Variants in MEGF8 observed in about 807,000 individuals in gnomAD.
MEGF8 encodes multiple EGF like domains 8.
Under a neutral mutation model 302.9 loss-of-function variants are expected in MEGF8, and 156 were observed. That is an observed-to-expected ratio of 0.52 (90% CI 0.45 to 0.59). MEGF8 has a LOEUF of 0.59. Among genes scored for constraint, MEGF8 ranks in the 20% least tolerant of loss-of-function variants. The pLI, the probability that MEGF8 is intolerant of heterozygous loss-of-function variation, is 0.00. For synonymous variants in MEGF8, 1,621 were observed against 1,660.5 expected (o/e 0.98, Z 0.58); for missense variants, 3,345 against 3,964.5 (o/e 0.84, Z 4.20).
At chr19:42,338,978 C>T (rs1256484902) in intron 8 of MEGF8, among the ~76,000 whole-genome samples, 4 of 150,848 alleles carry the variant, frequency 2.7e-5, no homozygotes, top group African/African-American at 4.9e-5. Flanking sequence ...GGATTACAGG[C>T]GCCTACCACC....
Position 42,357,266 on chromosome 19 carries a change from C to A in MEGF8, c.4831-138C>A. On this transcript the variant is annotated intron_variant, in intron 27 of 41. Transcript: ENST00000251268. The surrounding 1 kb of genome is among the most constrained non-coding windows in gnomAD (Gnocchi z 5.2). The stretch of plus-strand genomic sequence containing the variant: ...CACTGTGCCTCTGCCAGGACCCAGG[C>A]TGGTCCGACTGGCCCTGGGGGGGTC... 1 of 1,077,060 alleles carries A rather than the reference C, an allele frequency of 9.3e-7. No individual in the cohort carries two copies. Among genetic ancestry groups the A allele is most frequent in the Non-Finnish European group, 1.3e-6 (1 of 754,696 alleles). 66.7% of individuals were successfully genotyped at this position (1,077,060 alleles called of 1,614,324 possible).
chr19:42,329,354 T>C (rs745915112), intron 1 of MEGF8, among the ~76,000 whole-genome samples: 1 of 152,088 alleles, frequency 6.6e-6, no homozygotes, highest in Non-Finnish European at 1.5e-5. Context: ...GATGAGTTCC[T>C]AACTAGGGCA....
chr19:42,328,590 G>GTGT (rs57025235), intron 1 of MEGF8, among the ~76,000 whole-genome samples: 6 of 151,788 alleles, frequency 4.0e-5, no homozygotes, highest in South Asian at 2.1e-4. Context: ...GTGTGTGTGT[G>GTGT]GCGAAGGGGT....
At chr19:42,367,927 A>G (rs2039630916) in intron 35 of MEGF8, among the ~76,000 whole-genome samples, 1 of 151,632 alleles carries the variant, frequency 6.6e-6, no homozygotes, top group South Asian at 2.1e-4. Context: ...CTTCCAGTTT[A>G]TTTTCTTTTT....
intron 23 of MEGF8, among the ~76,000 whole-genome samples, chr19:42,355,071 C>T (rs1385926274): frequency 6.6e-6 from 1 of 152,162 alleles, no homozygotes; most frequent in African/African-American, 2.4e-5. Flanking sequence ...ATTCTCCTGC[C>T]TCAGCCTCCC....
At chr19:42,364,759 T>A (rs1277189760) in intron 35 of MEGF8, among the ~76,000 whole-genome samples, 1 of 152,224 alleles carries the variant, frequency 6.6e-6, no homozygotes, top group Non-Finnish European at 1.5e-5. Flanking sequence ...TGACTTTGGA[T>A]GAGTGACTTC....
chr19:42,368,363 T>G lies in MEGF8; in HGVS notation c.6274-92T>G. 8.9e-7 allele frequency: 1 copy of G among 1,121,364 alleles called. No individual in the cohort carries two copies. The highest frequency in any genetic ancestry group is 1.3e-6 in the Non-Finnish European group (1 of 796,078). The allele number at this position is 1,121,364 out of a possible 1,614,324, so 69.5% of individuals were successfully genotyped here. On this transcript the variant is annotated intron_variant, in intron 35 of 41. Coordinates refer to ENST00000251268, the MANE Select transcript of MEGF8 (RefSeq NM_001271938.2). This position sits in a 1 kb window ranked among gnomAD's most constrained non-coding sequence, Gnocchi z 4.9. ...GGGAGGGGTGAGACCTCAAAGAGGG[T>G]GTGGTCTGGGAAGATACCCAGAATG...
At position 42,358,085 on chromosome 19, in the gene MEGF8, C is replaced by G. The variant is rs1455158346; in HGVS notation, c.5012-59C>G. On this transcript the variant is annotated intron_variant, in intron 28 of 41. Coordinates refer to ENST00000251268, the MANE Select transcript of MEGF8 (RefSeq NM_001271938.2). This position sits in a 1 kb window ranked among gnomAD's most constrained non-coding sequence, Gnocchi z 4.4. ...GTCACCGAACAGGGGACCGGGAGGT[C>G]GGCGGGGTCAGTGCTGTTGTCAGCC... 7.0e-7 allele frequency: 1 copy of G among 1,419,662 alleles called. No individual in the cohort carries two copies. The highest frequency in any genetic ancestry group is 9.2e-7 in the Non-Finnish European group (1 of 1,083,970). 87.9% of individuals were successfully genotyped at this position (1,419,662 alleles called of 1,614,324 possible).
rs939847128 is a variant in MEGF8, at chr19:42,357,273, G to A, written c.4831-131G>A. 12 of 1,163,750 alleles carry A rather than the reference G, an allele frequency of 1.0e-5. No individual in the cohort carries two copies. The highest frequency in any genetic ancestry group is 7.7e-5 in the African/African-American group (5 of 65,076). 72.1% of individuals were successfully genotyped at this position (1,163,750 alleles called of 1,614,324 possible). A position where few individuals can be genotyped will look rare whatever the true frequency, so the allele number is the denominator to read the frequency against. On this transcript the variant is annotated intron_variant, in intron 27 of 41. Coordinates refer to ENST00000251268, the MANE Select transcript of MEGF8 (RefSeq NM_001271938.2). This position sits in a 1 kb window ranked among gnomAD's most constrained non-coding sequence, Gnocchi z 5.2. ...CCTCTGCCAGGACCCAGGCTGGTCC[G>A]ACTGGCCCTGGGGGGGTCATTCCCT...
At position 42,344,598 on chromosome 19, in the gene MEGF8, A is replaced by C. The variant is rs139484187; in HGVS notation, c.1933+13A>C. The C allele has an allele frequency of 3.2e-6, 5 of 1,585,454 alleles. No homozygotes were observed. Among genetic ancestry groups the C allele is most frequent in the Non-Finnish European group, 4.3e-6 (5 of 1,165,048 alleles). On this transcript the variant is annotated intron_variant, in intron 11 of 41. Coordinates refer to ENST00000251268, the MANE Select transcript of MEGF8 (RefSeq NM_001271938.2). The surrounding 1 kb of genome is among the most constrained non-coding windows in gnomAD (Gnocchi z 4.5). ...CTCCCTAGGCCTGGTGAGTGTCCGCAGCAGTGGGCCGGCAGGAGGGGGCCA... is the reference window on the plus strand; with the variant it reads ...CTCCCTAGGCCTGGTGAGTGTCCGCCGCAGTGGGCCGGCAGGAGGGGGCCA...
chr19:42,339,065 C>T (rs1287896976), intron 8 of MEGF8, among the ~76,000 whole-genome samples: 1 of 152,012 alleles, frequency 6.6e-6, no homozygotes, highest in East Asian at 1.9e-4. Context: ...AACTCCTGAC[C>T]TCAGGTGATC....
chr19:42,378,171 G>A lies in MEGF8; in HGVS notation c.*1396G>A, dbSNP rs966675547. The A allele has an allele frequency of 2.0e-5, 3 of 152,206 alleles. No individual in the cohort carries two copies. The highest frequency in any genetic ancestry group is 2.9e-5 in the Non-Finnish European group (2 of 68,052). 9.4% of individuals were successfully genotyped at this position (152,206 alleles called of 1,614,324 possible). A position where few individuals can be genotyped will look rare whatever the true frequency, so the allele number is the denominator to read the frequency against. Reference sequence around the variant, plus strand: ...TTTCAACAGCAGAAATTGAATGGGGGGATTGATAGCGCTGGCGAGGGAAGC... The same window carrying A: ...TTTCAACAGCAGAAATTGAATGGGGAGATTGATAGCGCTGGCGAGGGAAGC... On this transcript the variant is annotated 3_prime_UTR_variant, in exon 42 of 42. Coordinates refer to ENST00000251268, the MANE Select transcript of MEGF8 (RefSeq NM_001271938.2).
In MEGF8 at chr19:42,333,751, G is replaced by A. The variant is rs763111888; in HGVS notation, c.334G>A (p.Glu112Lys). 6 of 1,613,910 alleles carry A rather than the reference G, an allele frequency of 3.7e-6. No individual in the cohort carries two copies. The highest frequency in any genetic ancestry group is 2.2e-5 in the East Asian group (1 of 44,876). Residue 112 changes from glutamate (E) to lysine (K), a missense_variant, in exon 2 of 42, where the codon GAA becomes AAA. Coordinates refer to ENST00000251268, the MANE Select transcript of MEGF8 (RefSeq NM_001271938.2). ...LSGSTRPPPI[E>K]ASSGKMLLHL... Reference sequence around the variant, plus strand: ...TGGGAGCACCCGACCTCCGCCCATCGAAGCTTCCTCAGGCAAGGTTAGTGG... The same window carrying A: ...TGGGAGCACCCGACCTCCGCCCATCAAAGCTTCCTCAGGCAAGGTTAGTGG...
chr19:42,370,700 G>C lies in MEGF8; in HGVS notation c.7006-1G>C, dbSNP rs1262642785. 2 of 1,593,236 alleles carry C rather than the reference G, an allele frequency of 1.3e-6. No homozygotes were observed. The highest frequency in any genetic ancestry group is 1.7e-6 in the Non-Finnish European group (2 of 1,169,926). ...TGATCACACTGTCCTTCCTTGGCCA[G>C]ATTGAAAACTGGGTGACAGAGGGTC... On this transcript the variant is annotated splice_acceptor_variant, in intron 39 of 41. Transcript: ENST00000251268. LOFTEE classifies it high-confidence loss of function.
In MEGF8 at chr19:42,370,465, G is replaced by A; in HGVS notation, c.7005+106G>A. ...AGACCTGGACCCTTGGGTTGAGGGA[G>A]GAGGGGCTGGAGGCCTGGATTCCTG... On this transcript the variant is annotated intron_variant, in intron 39 of 41. Coordinates refer to ENST00000251268, the MANE Select transcript of MEGF8 (RefSeq NM_001271938.2). The A allele has an allele frequency of 7.6e-6, 8 of 1,049,318 alleles. No homozygotes were observed. In the South Asian group the frequency reaches 1.3e-4, roughly 17 times the overall value. 65.0% of individuals were successfully genotyped at this position (1,049,318 alleles called of 1,614,324 possible). A position where few individuals can be genotyped will look rare whatever the true frequency, so the allele number is the denominator to read the frequency against.
rs199870494 is a variant in MEGF8, at chr19:42,362,381, C to T, written c.5845-3C>T. On this transcript the variant is annotated splice_region_variant and splice_polypyrimidine_tract_variant and intron_variant, in intron 33 of 41. Transcript: ENST00000251268. ...TCCCATCTAGCCTGTCTTCCCTCAC[C>T]AGGCGTCCACCCCCCGCTGTAAGTG... The T allele has an allele frequency of 6.2e-7, 1 of 1,613,860 alleles. No homozygotes were observed. Among genetic ancestry groups the T allele is most frequent in the African/African-American group, 1.3e-5 (1 of 75,032 alleles).
Position 42,377,395 on chromosome 19 carries a change from T to G in MEGF8, c.*620T>G, listed in dbSNP as rs574844451. On this transcript the variant is annotated 3_prime_UTR_variant, in exon 42 of 42. Transcript: ENST00000251268. The stretch of plus-strand genomic sequence containing the variant: ...TCAGGGGCTGGATCACCCAGGGCCT[T>G]GTGGGCCCCACATAGGGTTTTGGGT... The G allele has an allele frequency of 6.5e-6, 1 of 152,766 alleles. No individual in the cohort carries two copies. The highest frequency in any genetic ancestry group is 2.4e-5 in the African/African-American group (1 of 41,452). The allele number at this position is 152,766 out of a possible 1,614,324, so 9.5% of individuals were successfully genotyped here. A position where few individuals can be genotyped will look rare whatever the true frequency, so the allele number is the denominator to read the frequency against.
Position 42,337,405 on chromosome 19 carries a change from T to C in MEGF8, c.1513+199T>C, listed in dbSNP as rs78310231. Among the ~76,000 whole-genome samples the C allele has an allele frequency of 0.049, 7,522 of 152,200 alleles. 286 individuals carry two copies. Among genetic ancestry groups the C allele is most frequent in the South Asian group, 0.16 (775 of 4,816 alleles). ...GAGATGGGAGGCCCTTACCGCAGTA[T>C]CCAATGTGGGTTCCAATCCAGGTTT... On this transcript the variant is annotated intron_variant, in intron 8 of 41. Coordinates refer to ENST00000251268, the MANE Select transcript of MEGF8 (RefSeq NM_001271938.2).
At chr19:42,367,678 G>A (rs1276235507) in intron 35 of MEGF8, among the ~76,000 whole-genome samples, 1 of 152,166 alleles carries the variant, frequency 6.6e-6, no homozygotes, top group African/African-American at 2.4e-5. Context: ...CCTTAGTGAG[G>A]AGGGGAACTC....
Sources: allele counts gnomAD v4.1 joint callset (sites outside exome capture counted in the v4.1 genomes callset), GRCh38; gene constraint gnomAD v4.1.1; non-coding constraint Gnocchi (gnomAD v3.1); transcripts MANE v1.5; gene names NCBI Gene and HGNC (gene_info 2026-07-23, HGNC 2026-07-21).